The following TP73 variants were observed in gnomAD, a reference collection of about 807,000 sequenced individuals.
TP73 encodes the protein p53-like transcription factor.
A neutral mutation model predicts 62.5 loss-of-function variants in TP73; 25 were observed. That is an observed-to-expected ratio of 0.40 (90% confidence interval 0.29 to 0.56). The LOEUF is 0.56. TP73 is among the 20% of genes least tolerant of loss of function. The pLI is 0.46. For synonymous variants in TP73, 423 were observed against 377.5 expected (o/e 1.12, Z -1.40); for missense variants, 754 against 913.3 (o/e 0.83, Z 2.25).
At chr1:3,731,294 G>T (rs1207359881) in intron 12 of TP73, among the ~76,000 whole-genome samples, 169 bp from the exon 13 acceptor site, 3 of 152,222 alleles carry the variant, frequency 2.0e-5, no homozygotes, top group African/African-American at 4.8e-5. Flanking sequence ...CCTGTCCCCA[G>T]CTGAGCACGT....
chr1:3,727,524 G>C, intron 7 of TP73, 104 bp from the exon 8 acceptor site: 1 of 1,478,280 alleles, frequency 6.8e-7, no homozygotes, highest in Non-Finnish European at 9.1e-7. Flanking sequence ...GGTGACCGAG[G>C]GCTCTCAAGG....
At chr1:3,729,644 G>A (rs748995559) in intron 10 of TP73, 196 bp downstream of exon 10, 1 of 1,017,974 alleles carries the variant, frequency 9.8e-7, no homozygotes, top group South Asian at 1.3e-5. Context: ...CTGGGACCCT[G>A]GGTCATGGCC....
At chr1:3,659,829 A>ACATCCAG (rs57149403) in intron 1 of TP73, among the ~76,000 whole-genome samples, 5 of 151,754 alleles carry the variant, frequency 3.3e-5, no homozygotes, top group Non-Finnish European at 5.9e-5. Flanking sequence ...ATGCACCACC[A>ACATCCAG]CTAATTTTTG....
intron 3 of TP73, among the ~76,000 whole-genome samples, chr1:3,704,444 TCA>T (rs1459921203): frequency 6.6e-6 from 1 of 152,074 alleles, no homozygotes. Flanking sequence ...CCTCGTGGGT[TCA>T]CAGTCGAGTA....
At chr1:3,688,653 A>T (rs758736585) in intron 3 of TP73, among the ~76,000 whole-genome samples, 8 of 152,226 alleles carry the variant, frequency 5.3e-5, no homozygotes, top group Non-Finnish European at 1.0e-4. Flanking sequence ...GTCCTCTGCA[A>T]GGCTGGGCCT....
intron 6 of TP73, among the ~76,000 whole-genome samples, chr1:3,724,461 C>T (rs530922048): frequency 1.1e-3 from 171 of 152,176 alleles, no homozygotes; most frequent in African/African-American, 4.1e-3. Flanking sequence ...CCCCCTTCGA[C>T]GTCCCCATCC....
At chr1:3,693,770 A>ACAATCCCACCCC (rs1459985902) in intron 3 of TP73, among the ~76,000 whole-genome samples, 1 of 43,486 alleles carries the variant, frequency 2.3e-5, no homozygotes, top group Non-Finnish European at 5.1e-5. Context: ...AATCCCACCC[A>ACAATCCCACCCC]TGCAGCCTCA....
At chr1:3,682,252 T>G in intron 1 of TP73, 81 bp from the exon 2 acceptor site, 2 of 1,139,358 alleles carry the variant, frequency 1.8e-6, no homozygotes, top group South Asian at 4.8e-5. Flanking sequence ...CCCACTTGCC[T>G]GCCGCCCCCA....
intron 1 of TP73, among the ~76,000 whole-genome samples, chr1:3,667,384 G>A (rs546381452): frequency 3.5e-4 from 54 of 152,340 alleles, no homozygotes; most frequent in African/African-American, 1.3e-3. Context: ...TGTGGTCATT[G>A]GTTACGGCAG....
intron 1 of TP73, among the ~76,000 whole-genome samples, chr1:3,660,145 G>A (rs1230781184): frequency 6.6e-6 from 1 of 152,174 alleles, no homozygotes; most frequent in African/African-American, 2.4e-5. Context: ...GCCTCTTGAG[G>A]CTAAGAAGTC....
At chr1:3,727,876 G>A (rs1013579613) in intron 8 of TP73, 106 bp downstream of exon 8, 254 of 1,418,392 alleles carry the variant, frequency 1.8e-4, no homozygotes, top group Admixed American at 8.1e-4. Flanking sequence ...GTCCCTGAAC[G>A]GCCCCCCACG....
chr1:3,695,798 A>AG lies in TP73; in HGVS notation c.187-11745dup, dbSNP rs958226961. Among the ~76,000 whole-genome samples the AG allele has an allele frequency of 3.3e-5, 5 of 152,304 alleles. No homozygotes were observed. In the South Asian group the frequency reaches 8.3e-4, roughly 25 times the overall value. ...GGCTGCAGTGCTGGGGATAGACCAC[A>AG]GGGGGGCAGGGCCAAGGCCAGGAGC... On this transcript the variant is annotated intron_variant, in intron 3 of 13. Coordinates refer to ENST00000378295, the MANE Select transcript of TP73 (RefSeq NM_005427.4).
rs774897784 is a variant in TP73 at position 3,707,529 on chromosome 1, C to T, written c.187-20C>T. 6.3e-7 allele frequency: 1 copy of T among 1,598,652 alleles called. No individual in the cohort carries two copies. The highest frequency in any genetic ancestry group is 8.6e-7 in the Non-Finnish European group (1 of 1,168,726). ...TGACTGTGTGTGTTTCCCCCTCCCT[C>T]CTCCCCTTTCCCGCGCCAGGCCCAG... On this transcript the variant is annotated intron_variant, in intron 3 of 13. Transcript: ENST00000378295.
intron 7 of TP73, 57 bp from the exon 8 acceptor site, chr1:3,727,571 G>C (rs1283864904): frequency 1.9e-6 from 3 of 1,559,190 alleles, no homozygotes; most frequent in Non-Finnish European, 2.6e-6. Context: ...GGGGAAGGTG[G>C]GCAGGTTGAG....
rs956856297 is a variant in TP73 at position 3,729,505 on chromosome 1, C to T, written c.1196+57C>T. ...GGAAGGAGGACATGGCTTAACCCCC[C>T]AGGAGAAGGCCAGGAGGACCAGAAA... On this transcript the variant is annotated intron_variant, in intron 10 of 13. Transcript: ENST00000378295. 1.9e-6 allele frequency: 3 copies of T among 1,608,574 alleles called. No homozygotes were observed. The African/African-American group carries it at 4.0e-5, about 21-fold the overall frequency.
intron 3 of TP73, chr1:3,698,285 C>A (rs889792363): frequency 4.5e-5 from 9 of 200,658 alleles, no homozygotes. Context: ...GTGAGCTGTG[C>A]CTTCCCCCTC....
chr1:3,722,028 C>G lies in TP73; in HGVS notation c.437C>G (p.Pro146Arg). ...TAKSATWTYS[P>R]LLKKLYCQIA... is the part of the protein sequence containing the mutation. ...CCCTCTCCCCCACTCCAGTACTCCCCGCTCTTGAAGAAACTCTACTGCCAG... is the reference window on the plus strand; with the variant it reads ...CCCTCTCCCCCACTCCAGTACTCCCGGCTCTTGAAGAAACTCTACTGCCAG... Residue 146 changes from proline (P) to arginine (R), a missense_variant, in exon 5 of 14, where the codon CCG becomes CGG. Coordinates refer to ENST00000378295, the MANE Select transcript of TP73 (RefSeq NM_005427.4). 6.2e-7 allele frequency: 1 copy of G among 1,608,314 alleles called. No homozygotes were observed. Among genetic ancestry groups the G allele is most frequent in the Non-Finnish European group, 8.5e-7 (1 of 1,176,468 alleles).
intron 3 of TP73, among the ~76,000 whole-genome samples, chr1:3,702,751 T>A (rs1474964872): frequency 6.6e-6 from 1 of 152,210 alleles, no homozygotes; most frequent in East Asian, 1.9e-4. Context: ...TGCACACACA[T>A]GTAGGCACTT....
At chr1:3,698,044 C>G (rs1638826545) in intron 3 of TP73, 2 of 982,972 alleles carry the variant, frequency 2.0e-6, no homozygotes, top group Non-Finnish European at 2.4e-6. Context: ...GGCTCAGCCA[C>G]TAATGTGTGC....
Sources: allele counts gnomAD v4.1 joint callset (sites outside exome capture counted in the v4.1 genomes callset), GRCh38; gene constraint gnomAD v4.1.1; transcripts MANE v1.5; gene names NCBI Gene and HGNC (gene_info 2026-07-23, HGNC 2026-07-21).